SCFD2: variants seen among roughly 807,000 people sequenced by gnomAD.
SCFD2 encodes sec1 family domain-containing protein 2.
A neutral mutation model predicts 58.9 loss-of-function variants in SCFD2; 54 were observed. The observed-to-expected ratio is 0.92, with a 90% CI of 0.74 to 1.15. The LOEUF (loss-of-function observed/expected upper bound fraction) is 1.15. Among genes scored for constraint, SCFD2 ranks in the 50% most tolerant of loss-of-function variants. The pLI is 0.00. For missense variants in SCFD2, 805 were observed against 836.6 expected, an observed-to-expected ratio of 0.96 and a Z score of 0.47; for synonymous variants, 321 against 335.9, an observed-to-expected ratio of 0.96 and a Z score of 0.49.
At chr4:53,050,390 GA>G (rs1560314324) in intron 5 of SCFD2, among the ~76,000 whole-genome samples, 3 of 152,176 alleles carry the variant, frequency 2.0e-5, no homozygotes, top group African/African-American at 4.8e-5. Context: ...GTGATTAAAC[GA>G]ATCAAGATAG....
chr4:53,344,255 A>G (rs1250505447), intron 2 of SCFD2, among the ~76,000 whole-genome samples: 1 of 152,224 alleles, frequency 6.6e-6, no homozygotes, highest in African/African-American at 2.4e-5. Context: ...GCAAAGTCTC[A>G]GGATACAAAA....
chr4:53,338,564 A>C (rs1476839271), intron 2 of SCFD2, among the ~76,000 whole-genome samples: 3 of 127,164 alleles, frequency 2.4e-5, no homozygotes, highest in South Asian at 2.8e-4. Context: ...AAAAGAAAGC[A>C]GTATATTTTT....
intron 2 of SCFD2, among the ~76,000 whole-genome samples, chr4:53,346,536 A>G (rs1734064662): frequency 6.6e-6 from 1 of 152,064 alleles, no homozygotes; most frequent in Non-Finnish European, 1.5e-5. Flanking sequence ...GGCCTCCCAA[A>G]GCGCTGGGAT....
intron 5 of SCFD2, among the ~76,000 whole-genome samples, chr4:52,994,008 C>T (rs1443340267): frequency 6.6e-6 from 1 of 152,220 alleles, no homozygotes; most frequent in African/African-American, 2.4e-5. Context: ...TGAGGCTGGT[C>T]CCGCTCTAGA....
At chr4:53,342,224 A>G (rs1733901490) in intron 2 of SCFD2, among the ~76,000 whole-genome samples, 1 of 152,214 alleles carries the variant, frequency 6.6e-6, no homozygotes, top group Non-Finnish European at 1.5e-5. Context: ...ACTCACGTGC[A>G]GAGACACACA....
chr4:53,011,636 T>G (rs1033542506), intron 5 of SCFD2, among the ~76,000 whole-genome samples: 1 of 152,220 alleles, frequency 6.6e-6, no homozygotes, highest in Non-Finnish European at 1.5e-5. Context: ...ACTGGCTCCT[T>G]AAATAACTCC....
chr4:53,009,080 C>T (rs1431326419), intron 5 of SCFD2, among the ~76,000 whole-genome samples: 1 of 152,194 alleles, frequency 6.6e-6, no homozygotes, highest in Non-Finnish European at 1.5e-5. Context: ...CTTTGACGAA[C>T]TTGCCATCTT....
chr4:53,259,914 C>A (rs1456009335), intron 4 of SCFD2, among the ~76,000 whole-genome samples: 1 of 151,002 alleles, frequency 6.6e-6, no homozygotes, highest in Non-Finnish European at 1.5e-5. Context: ...TTGTAGTTTA[C>A]CTTGCAGAGG....
At chr4:53,205,187 C>CTGTGCACTACACAGA (rs1728368908) in intron 4 of SCFD2, among the ~76,000 whole-genome samples, 1 of 152,104 alleles carries the variant, frequency 6.6e-6, no homozygotes, top group Non-Finnish European at 1.5e-5. Flanking sequence ...TGGATCACAA[C>CTGTGCACTACACAGA]TGTGCACTAC....
At chr4:53,142,613 G>A (rs1345405988) in intron 5 of SCFD2, among the ~76,000 whole-genome samples, 2 of 152,160 alleles carry the variant, frequency 1.3e-5, no homozygotes, top group East Asian at 3.8e-4. Context: ...AATATATACT[G>A]GGATATCCTT....
intron 4 of SCFD2, among the ~76,000 whole-genome samples, chr4:53,266,557 A>C (rs1237833996): frequency 1.3e-5 from 2 of 152,210 alleles, no homozygotes; most frequent in Non-Finnish European, 2.9e-5. Context: ...TTGCTATACT[A>C]CAAGAAAGGA....
chr4:53,024,571 C>G (rs1200852014), intron 5 of SCFD2, among the ~76,000 whole-genome samples: 1 of 152,174 alleles, frequency 6.6e-6, no homozygotes, highest in Non-Finnish European at 1.5e-5. Flanking sequence ...GTTTTGAAGA[C>G]TGGCCATCCA....
chr4:53,009,168 C>T (rs1387642616), intron 5 of SCFD2, among the ~76,000 whole-genome samples: 1 of 152,130 alleles, frequency 6.6e-6, no homozygotes. Flanking sequence ...TATTTTCGTC[C>T]AGTATTGATT....
chr4:53,018,109 T>C (rs1382542821), intron 5 of SCFD2, among the ~76,000 whole-genome samples: 4 of 152,328 alleles, frequency 2.6e-5, no homozygotes, highest in Admixed American at 1.3e-4. Flanking sequence ...AGCTCCATGA[T>C]GGCTTACATT....
chr4:53,300,520 G>A (rs904112054), intron 3 of SCFD2, among the ~76,000 whole-genome samples: 20 of 151,998 alleles, frequency 1.3e-4, no homozygotes. Flanking sequence ...ACACCCCACT[G>A]TCCACAGTAG....
chr4:53,242,784 G>A (rs1406958620), intron 4 of SCFD2, among the ~76,000 whole-genome samples: 2 of 152,178 alleles, frequency 1.3e-5, no homozygotes, highest in African/African-American at 4.8e-5. Flanking sequence ...AAAGAAGAAT[G>A]TAGTCAATCT....
intron 3 of SCFD2, among the ~76,000 whole-genome samples, chr4:53,282,405 C>A (rs1577928466): frequency 6.6e-6 from 1 of 152,060 alleles, no homozygotes; most frequent in African/African-American, 2.4e-5. Context: ...TATCTTTCAA[C>A]TATTGTCTGA....
intron 5 of SCFD2, among the ~76,000 whole-genome samples, chr4:53,005,187 A>G (rs899885033): frequency 2.2e-4 from 34 of 152,322 alleles, no homozygotes; most frequent in African/African-American, 8.2e-4. Flanking sequence ...GGTGTGAGCC[A>G]CTGTGCCCGG....
intron 5 of SCFD2, among the ~76,000 whole-genome samples, chr4:53,045,508 T>C (rs906033815): frequency 3.3e-5 from 5 of 152,172 alleles, no homozygotes; most frequent in African/African-American, 7.2e-5. Context: ...TTATTTCGTA[T>C]ACTATACAAA....
Sources: allele counts gnomAD v4.1 joint callset (sites outside exome capture counted in the v4.1 genomes callset), GRCh38; gene constraint gnomAD v4.1.1; transcripts MANE v1.5; gene names NCBI Gene and HGNC (gene_info 2026-07-23, HGNC 2026-07-21).